Variants in CRKL observed in about 807,000 individuals in gnomAD.
CRKL encodes the protein crk-like protein.
Under a neutral mutation model 23.0 loss-of-function variants are expected in CRKL, and 3 were observed. The observed-to-expected ratio is 0.13, with a 90% CI of 0.06 to 0.34. The LOEUF (loss-of-function observed/expected upper bound fraction) is 0.34, where lower values mean the gene tolerates loss of function less well. CRKL is among the 10% of genes least tolerant of loss of function. The probability of loss-of-function intolerance (pLI) is 1.00; values close to 1 mark genes in which losing one functional copy is unlikely to be tolerated. For missense variants in CRKL, 256 were observed against 394.5 expected, an observed-to-expected ratio of 0.65 and a Z score of 2.97; for synonymous variants, 188 against 160.7, an observed-to-expected ratio of 1.17 and a Z score of -1.28.
intron 2 of CRKL, among the ~76,000 whole-genome samples, chr22:20,935,050 G>A (rs370737758): frequency 3.2e-4 from 48 of 151,998 alleles, no homozygotes; most frequent in African/African-American, 1.1e-3. Context: ...TCCTGACCTC[G>A]TGATCTGCCT....
intron 1 of CRKL, 71 bp downstream of exon 1, chr22:20,918,316 G>A: frequency 6.6e-7 from 1 of 1,516,042 alleles, no homozygotes. Context: ...CTTGTATAGG[G>A]GGGTGGGGCG....
intron 1 of CRKL, among the ~76,000 whole-genome samples, chr22:20,928,218 A>G (rs1921304150): frequency 6.6e-6 from 1 of 151,990 alleles, no homozygotes; most frequent in South Asian, 2.1e-4. Context: ...AATAGTGGGG[A>G]GGCTGAGGTA....
At chr22:20,934,370 T>TA in intron 2 of CRKL, 126 bp downstream of exon 2, 2 of 842,264 alleles carry the variant, frequency 2.4e-6, no homozygotes, top group Non-Finnish European at 3.6e-6. Flanking sequence ...TTTTGGAAGA[T>TA]ACGCACTGTT....
intron 1 of CRKL, among the ~76,000 whole-genome samples, chr22:20,930,868 G>A (rs911437369): frequency 6.7e-6 from 1 of 150,364 alleles, no homozygotes; most frequent in African/African-American, 2.5e-5. Flanking sequence ...TTTTAGTAGA[G>A]AGACAGGGTT....
At chr22:20,942,789 T>A (rs1186680842) in intron 2 of CRKL, among the ~76,000 whole-genome samples, 3 of 152,134 alleles carry the variant, frequency 2.0e-5, no homozygotes, top group Non-Finnish European at 2.9e-5. Flanking sequence ...ACCTGGCTAA[T>A]TTTTGTATTT....
Position 20,949,833 on chromosome 22 carries a change from T to C in CRKL, c.900T>C (p.Asp300=), listed in dbSNP as rs761298291. The change falls in exon 3 of 3, where the codon GAT becomes GAC. Residue 300 remains aspartate, a synonymous_variant. Transcript: ENST00000354336. ...AAATCTTTGACCCTCAAAACCCAGA[T>C]GAAAACGAGTGATTGCTGTTGCCCT... ...HVKIFDPQNP[D]ENE The C allele has an allele frequency of 4.2e-5, 67 of 1,608,030 alleles. No individual in the cohort carries two copies. In the East Asian group the frequency reaches 1.3e-3, roughly 30 times the overall value.
rs74679691 is a variant in CRKL, at chr22:20,933,403, A to AT, written c.312-375dup. 1.2e-3 allele frequency among the ~76,000 whole-genome samples: 181 copies of AT among 151,798 alleles called. 1 individual carries two copies. In the East Asian group the frequency reaches 0.02, roughly 17 times the overall value. On this transcript the variant is annotated intron_variant, in intron 1 of 2. Transcript: ENST00000354336. ...ATGTAGAGGCCGGGCATGGTGGCTC[A>AT]TGCTTGTAATCCCAGCACGTTGGGA...
intron 1 of CRKL, among the ~76,000 whole-genome samples, chr22:20,931,987 A>C (rs1328372463): frequency 6.8e-6 from 1 of 146,702 alleles, no homozygotes; most frequent in African/African-American, 2.5e-5. Flanking sequence ...AATTTTTTGT[A>C]TTTTTAGTAG....
At chr22:20,932,639 A>G (rs1453083324) in intron 1 of CRKL, among the ~76,000 whole-genome samples, 1 of 151,920 alleles carries the variant, frequency 6.6e-6, no homozygotes, top group African/African-American at 2.4e-5. Context: ...TGTGTAATCA[A>G]AAGGTTTCTG....
At chr22:20,937,107 C>T (rs1378442329) in intron 2 of CRKL, among the ~76,000 whole-genome samples, 1 of 152,126 alleles carries the variant, frequency 6.6e-6, no homozygotes, top group Non-Finnish European at 1.5e-5. Flanking sequence ...CCGCCTCAGC[C>T]TCCCAAAGTG....
chr22:20,953,681 A>G lies in CRKL; in HGVS notation c.*3836A>G. The G allele has an allele frequency of 5.1e-6, 1 of 195,424 alleles. No homozygotes were observed. The highest frequency in any genetic ancestry group is 1.1e-5 in the Non-Finnish European group (1 of 93,974). 12.1% of individuals were successfully genotyped at this position (195,424 alleles called of 1,614,324 possible). On this transcript the variant is annotated 3_prime_UTR_variant, in exon 3 of 3. Transcript: ENST00000354336. ...TTACGTTACTGGTCCCAGCATCAAAACCCTTGTTTCCATGGCCTGTTTGTA... is the reference window on the plus strand; with the variant it reads ...TTACGTTACTGGTCCCAGCATCAAAGCCCTTGTTTCCATGGCCTGTTTGTA...
intron 2 of CRKL, among the ~76,000 whole-genome samples, chr22:20,949,019 A>G (rs1263148460): frequency 6.6e-6 from 1 of 152,072 alleles, no homozygotes; most frequent in Non-Finnish European, 1.5e-5. Flanking sequence ...CATTCTCAGA[A>G]TCATGTGTTC....
At chr22:20,935,958 C>T (rs1376075253) in intron 2 of CRKL, among the ~76,000 whole-genome samples, 2 of 152,104 alleles carry the variant, frequency 1.3e-5, no homozygotes, top group African/African-American at 4.8e-5. Flanking sequence ...AGTTTGAGAC[C>T]AGTCTGGTCA....
At chr22:20,928,969 A>G (rs978941485) in intron 1 of CRKL, among the ~76,000 whole-genome samples, 1 of 152,164 alleles carries the variant, frequency 6.6e-6, no homozygotes, top group Admixed American at 6.6e-5. Context: ...TATGGTTTAT[A>G]CATGTAGAAA....
intron 1 of CRKL, among the ~76,000 whole-genome samples, chr22:20,931,494 CG>C (rs1921451561): frequency 6.6e-6 from 1 of 152,138 alleles, no homozygotes; most frequent in Non-Finnish European, 1.5e-5. Context: ...TGGTGCTGCT[CG>C]GTAATTTTGA....
intron 2 of CRKL, among the ~76,000 whole-genome samples, chr22:20,936,540 G>A (rs950909494): frequency 5.2e-4 from 79 of 151,982 alleles, no homozygotes; most frequent in Non-Finnish European, 2.6e-4. Flanking sequence ...TAATAGAGAC[G>A]GGGTTTCTCC....
At position 20,927,128 on chromosome 22, in the gene CRKL, A is replaced by AAAAAAAAAAAAAAAAG. The variant is rs1555918902; in HGVS notation, c.312-6643_312-6642insAAAAAAAGAAAAAAAA. ...CTCCGTCTCAAAAAAAAAAAAAAAAAAAAAAAAAGAATGGTGGTTAAAGCA... is the reference window on the plus strand; with the variant it reads ...CTCCGTCTCAAAAAAAAAAAAAAAAAAAAAAAAAAAAAAAAGAAAAAAAAGAATGGTGGTTAAAGCA... On this transcript the variant is annotated intron_variant, in intron 1 of 2. Transcript: ENST00000354336. Among the ~76,000 whole-genome samples, 193 of 125,780 alleles carry AAAAAAAAAAAAAAAAG rather than the reference A, an allele frequency of 1.5e-3. 12 individuals carry two copies. Among genetic ancestry groups the AAAAAAAAAAAAAAAAG allele is most frequent in the East Asian group, 3.1e-3 (10 of 3,244 alleles). 82.5% of individuals were successfully genotyped at this position (125,780 alleles called of 152,430 possible).
chr22:20,940,108 C>G (rs1458904818), intron 2 of CRKL, among the ~76,000 whole-genome samples: 2 of 152,254 alleles, frequency 1.3e-5, no homozygotes, highest in East Asian at 3.9e-4. Context: ...TTTTAAAATC[C>G]TGGTTATGTC....
chr22:20,945,442 A>G (rs1383007501), intron 2 of CRKL, among the ~76,000 whole-genome samples: 1 of 151,450 alleles, frequency 6.6e-6, no homozygotes, highest in African/African-American at 2.4e-5. Context: ...AAGCCCACAT[A>G]CTCTTGTACC....
Sources: allele counts gnomAD v4.1 joint callset (sites outside exome capture counted in the v4.1 genomes callset), GRCh38; gene constraint gnomAD v4.1.1; transcripts MANE v1.5; gene names NCBI Gene and HGNC (gene_info 2026-07-23, HGNC 2026-07-21).